The following BACH2 variants were observed in gnomAD, a reference collection of about 807,000 sequenced individuals.
BACH2 encodes the protein BACH transcriptional regulator 2, also known as transcription regulator protein BACH2.
Under a neutral mutation model 61.8 loss-of-function variants are expected in BACH2, and 5 were observed. The observed-to-expected ratio is 0.08, with a 90% CI of 0.04 to 0.17. The LOEUF is 0.17. BACH2 is among the 10% of genes least tolerant of loss of function. The pLI is 1.00. For synonymous variants in BACH2, 446 were observed against 440.1 expected (o/e 1.01, Z -0.17); for missense variants, 824 against 1,091.1 (o/e 0.76, Z 3.45).
intron 5 of BACH2, among the ~76,000 whole-genome samples, chr6:90,032,087 C>G (rs999179671): frequency 1.3e-5 from 2 of 151,916 alleles, no homozygotes; most frequent in South Asian, 2.1e-4. Context: ...ACAAACCTGA[C>G]AAAAACAAGC....
intron 4 of BACH2, among the ~76,000 whole-genome samples, chr6:90,102,836 T>TAA (rs1453760133): frequency 9.4e-6 from 1 of 106,844 alleles, no homozygotes; most frequent in Admixed American, 1.0e-4. Flanking sequence ...ATAATAATAA[T>TAA]AATAAAAATA....
intron 4 of BACH2, among the ~76,000 whole-genome samples, chr6:90,189,614 C>CAA (rs59022545): frequency 0.029 from 1,303 of 44,280 alleles, 19 homozygotes; most frequent in Non-Finnish European, 0.042. Flanking sequence ...GACTCCGTCT[C>CAA]AAAAAAAAAA....
At chr6:90,117,118 TGC>T (rs1562455168) in intron 4 of BACH2, 2 of 257,048 alleles carry the variant, frequency 7.8e-6, no homozygotes, top group East Asian at 1.8e-4. Flanking sequence ...TCAAGGTGCA[TGC>T]GCCCAGCACT....
chr6:90,146,507 AGT>A (rs1784625279), intron 4 of BACH2, among the ~76,000 whole-genome samples: 1 of 152,226 alleles, frequency 6.6e-6, no homozygotes, highest in Admixed American at 6.5e-5. Context: ...TAAAATCAGA[AGT>A]GTCTGAAATG....
intron 3 of BACH2, among the ~76,000 whole-genome samples, chr6:90,215,211 C>G (rs1562508993): frequency 6.6e-6 from 1 of 152,154 alleles, no homozygotes; most frequent in Non-Finnish European, 1.5e-5. Flanking sequence ...TCTGCCAAAA[C>G]AGTTGAAGTT....
chr6:90,235,218 A>C (rs1770220292), intron 3 of BACH2, among the ~76,000 whole-genome samples: 1 of 152,208 alleles, frequency 6.6e-6, no homozygotes, highest in African/African-American at 2.4e-5. Context: ...ATTCATAGAA[A>C]GGAAGATTAG....
intron 4 of BACH2, among the ~76,000 whole-genome samples, chr6:90,199,732 T>G (rs1302075953): frequency 6.6e-6 from 1 of 152,182 alleles, no homozygotes; most frequent in African/African-American, 2.4e-5. Context: ...GGGGCTACAG[T>G]GGCCTGGTGC....
chr6:90,156,391 C>T (rs1339970117), intron 4 of BACH2, among the ~76,000 whole-genome samples: 1 of 152,060 alleles, frequency 6.6e-6, no homozygotes, highest in African/African-American at 2.4e-5. Flanking sequence ...TGGGACTGTT[C>T]CTATTTTGGT....
intron 6 of BACH2, among the ~76,000 whole-genome samples, chr6:89,984,249 C>G (rs748542656): frequency 6.6e-6 from 1 of 152,022 alleles, no homozygotes; most frequent in Non-Finnish European, 1.5e-5. Flanking sequence ...AAAAGTCAAA[C>G]AGACAGACCT....
intron 4 of BACH2, among the ~76,000 whole-genome samples, chr6:90,111,115 C>A (rs895534884): frequency 1.3e-5 from 2 of 152,054 alleles, no homozygotes; most frequent in South Asian, 2.1e-4. Flanking sequence ...GTCAATACTG[C>A]GAAAAAGACA....
At chr6:90,036,070 G>A (rs1283174397) in intron 5 of BACH2, among the ~76,000 whole-genome samples, 2 of 151,792 alleles carry the variant, frequency 1.3e-5, no homozygotes, top group Non-Finnish European at 2.9e-5. Context: ...CCATAGAACT[G>A]TAGCTCTTCA....
intron 5 of BACH2, among the ~76,000 whole-genome samples, chr6:90,067,299 C>T (rs904352731): frequency 2.5e-4 from 38 of 152,142 alleles, no homozygotes; most frequent in Admixed American, 1.6e-3. Flanking sequence ...TTTAGTTTGG[C>T]TGTTGCAAGG....
At chr6:90,151,004 T>G (rs928113894) in intron 4 of BACH2, among the ~76,000 whole-genome samples, 1 of 152,128 alleles carries the variant, frequency 6.6e-6, no homozygotes, top group African/African-American at 2.4e-5. Context: ...CTATCAATAA[T>G]TACACGAGGC....
At chr6:90,252,296 G>A (rs1480787383) in intron 3 of BACH2, among the ~76,000 whole-genome samples, 1 of 152,104 alleles carries the variant, frequency 6.6e-6, no homozygotes, top group Non-Finnish European at 1.5e-5. Context: ...TGGGCACATG[G>A]GAAGGTCTCT....
intron 6 of BACH2, among the ~76,000 whole-genome samples, chr6:89,986,546 A>G (rs967641701): frequency 4.6e-5 from 7 of 152,200 alleles, no homozygotes; most frequent in African/African-American, 1.7e-4. Context: ...TAATGAATAC[A>G]CATAATGGAG....
At chr6:90,185,139 T>C (rs1768310121) in intron 4 of BACH2, among the ~76,000 whole-genome samples, 1 of 152,058 alleles carries the variant, frequency 6.6e-6, no homozygotes, top group Non-Finnish European at 1.5e-5. Context: ...GATAAGTCAA[T>C]GGGGGGAGAC....
chr6:90,084,950 G>C lies in BACH2; in HGVS notation c.-13+4011C>G, dbSNP rs78123350. Among the ~76,000 whole-genome samples, 872 of 152,120 alleles carry C rather than the reference G, an allele frequency of 5.7e-3. 5 individuals are homozygous for C. The highest frequency in any genetic ancestry group is 0.022 in the South Asian group (108 of 4,820). ...GGTAGAGGGTAAAGGTAGTGAAGAC[G>C]ACCTGAATAAAGTATGGCTACTGGG... On this transcript the variant is annotated intron_variant, in intron 5 of 8. Transcript: ENST00000257749.
At chr6:89,993,139 T>A (rs1776668174) in intron 6 of BACH2, among the ~76,000 whole-genome samples, 1 of 152,202 alleles carries the variant, frequency 6.6e-6, no homozygotes, top group Non-Finnish European at 1.5e-5. Context: ...ACTTCTGGCC[T>A]CTAGAACTAA....
intron 5 of BACH2, among the ~76,000 whole-genome samples, chr6:90,045,801 A>C (rs188897308): frequency 1.3e-5 from 2 of 152,292 alleles, no homozygotes; most frequent in African/African-American, 4.8e-5. Context: ...TTCTAAAATT[A>C]ATATTTCTTT....
Sources: gnomAD v4.1 joint callset for allele counts (sites outside exome capture counted in the v4.1 genomes callset) on GRCh38, gnomAD v4.1.1 for gene constraint, MANE v1.5 for transcripts, NCBI Gene and HGNC (gene_info 2026-07-23, HGNC 2026-07-21) for gene names.